DHRS9: variants seen among roughly 807,000 people sequenced by gnomAD.
DHRS9 encodes the protein dehydrogenase/reductase 9.
Under a neutral mutation model 26.6 loss-of-function variants are expected in DHRS9, and 18 were observed. The observed-to-expected ratio is 0.68, with a 90% CI of 0.47 to 1.00. DHRS9 has a LOEUF of 1.00. Ranked by LOEUF, DHRS9 falls within the 50% of genes least tolerant of loss-of-function variation. DHRS9 has a pLI of 0.00. For missense variants in DHRS9, 425 were observed against 378.7 expected (o/e 1.12, Z -1.01); for synonymous variants, 134 against 141.1 (o/e 0.95, Z 0.36).
intron 3 of DHRS9, among the ~76,000 whole-genome samples, chr2:169,084,942 T>C (rs1033398208): frequency 1.3e-5 from 2 of 152,198 alleles, no homozygotes; most frequent in African/African-American, 4.8e-5. Context: ...CAATGTTTTC[T>C]TGTAGTAGTT....
chr2:169,094,209 C>T (rs768409766), intron 4 of DHRS9, among the ~76,000 whole-genome samples: 2 of 152,014 alleles, frequency 1.3e-5, no homozygotes, highest in African/African-American at 2.4e-5. Flanking sequence ...TTTTCATATA[C>T]CTGTTGGCCA....
At chr2:169,085,885 G>T (rs1684334233) in intron 3 of DHRS9, among the ~76,000 whole-genome samples, 1 of 152,072 alleles carries the variant, frequency 6.6e-6, no homozygotes, top group Non-Finnish European at 1.5e-5. Flanking sequence ...TGTTTTTGAG[G>T]AATCTCCAAA....
chr2:169,092,598 G>A (rs16856436), intron 4 of DHRS9, among the ~76,000 whole-genome samples: 2 of 152,188 alleles, frequency 1.3e-5, no homozygotes, highest in East Asian at 3.9e-4. Flanking sequence ...AAAAGAGCAT[G>A]GCTGGTTAAG....
At chr2:169,078,540 CAT>C (rs1369331373) in intron 1 of DHRS9, among the ~76,000 whole-genome samples, 2 of 152,156 alleles carry the variant, frequency 1.3e-5, no homozygotes, top group Admixed American at 1.3e-4. Flanking sequence ...AAGGTTTAAA[CAT>C]GTAATTTTGC....
At chr2:169,072,718 T>C (rs781170277) in intron 1 of DHRS9, 81 of 931,524 alleles carry the variant, frequency 8.7e-5, no homozygotes, top group Non-Finnish European at 1.0e-4. Context: ...TCTCCTTTCT[T>C]GGTTTCTTTT....
At position 169,082,446 on chromosome 2, in the gene DHRS9, G is replaced by T. The variant is rs1044650101; in HGVS notation, c.313+552G>T. ...GCTATGGTGACTGTATTCTGAACTA[G>T]AAGAATTTTTATTGGCTTTGAATGA... is the stretch of plus-strand genomic sequence containing the variant. On this transcript the variant is annotated intron_variant, in intron 2 of 4. Transcript: ENST00000674881. 5.3e-5 allele frequency among the ~76,000 whole-genome samples: 8 copies of T among 152,230 alleles called. 1 individual carries two copies. Among genetic ancestry groups the T allele is most frequent in the African/African-American group, 1.9e-4 (8 of 41,546 alleles).
At chr2:169,072,688 G>A (rs1683843719) in intron 1 of DHRS9, 3 of 982,098 alleles carry the variant, frequency 3.1e-6, no homozygotes, top group South Asian at 4.7e-5. Context: ...TGTGCATGGT[G>A]TATGAAAGAC....
At chr2:169,084,327 T>C (rs1684285119) in intron 3 of DHRS9, among the ~76,000 whole-genome samples, 1 of 152,070 alleles carries the variant, frequency 6.6e-6, no homozygotes, top group African/African-American at 2.4e-5. Flanking sequence ...CTTTGATATG[T>C]TTATTTCCTT....
intron 1 of DHRS9, among the ~76,000 whole-genome samples, chr2:169,077,751 T>A (rs1438864497): frequency 6.6e-6 from 1 of 152,114 alleles, no homozygotes; most frequent in Non-Finnish European, 1.5e-5. Flanking sequence ...CTGAATTCAA[T>A]CCCTTAGGGG....
intron 3 of DHRS9, among the ~76,000 whole-genome samples, chr2:169,086,236 T>C (rs771444727): frequency 1.7e-4 from 26 of 152,184 alleles, no homozygotes; most frequent in Non-Finnish European, 3.1e-4. Flanking sequence ...CTTACTAATT[T>C]TTTTATTTTG....
chr2:169,070,880 C>A (rs182596977), intron 1 of DHRS9: 113 of 356,656 alleles, frequency 3.2e-4, no homozygotes, highest in African/African-American at 1.5e-3. Flanking sequence ...CTGGCTAACA[C>A]GGTGAAACCT....
chr2:169,091,790 A>G lies in DHRS9; in HGVS notation c.573A>G (p.Arg191=). 1 of 1,606,228 alleles carries G rather than the reference A, an allele frequency of 6.2e-7. No homozygotes were observed. The highest frequency in any genetic ancestry group is 8.5e-7 in the Non-Finnish European group (1 of 1,175,088). The change falls in exon 4 of 5, where the codon AGA becomes AGG. Residue 191 remains arginine (R), a splice_region_variant and synonymous_variant. Coordinates refer to ENST00000674881, the MANE Select transcript of DHRS9 (RefSeq NM_001376924.1). ...CATCTTCAATGGGTTCTTTTCACAGACGGGACATGAAAGCTTTTGGTGTGC... is the reference window on the plus strand; with the variant it reads ...CATCTTCAATGGGTTCTTTTCACAGGCGGGACATGAAAGCTTTTGGTGTGC... ...YAVEGFNDSL[R]RDMKAFGVHV...
chr2:169,079,515 T>G (rs767236318), intron 1 of DHRS9, among the ~76,000 whole-genome samples: 2 of 152,106 alleles, frequency 1.3e-5, no homozygotes, highest in Non-Finnish European at 2.9e-5. Context: ...AAATAAATGA[T>G]TTTTGAAAAG....
chr2:169,095,493 C>A, intron 4 of DHRS9, 51 bp from the exon 5 acceptor site: 1 of 1,488,346 alleles, frequency 6.7e-7, no homozygotes, highest in Non-Finnish European at 9.4e-7. Context: ...TAGACTTCCA[C>A]TCTGCTTTCC....
At chr2:169,067,223 T>C (rs1558947221), upstream of DHRS9, 1 of 1,535,462 alleles carries the variant, frequency 6.5e-7, no homozygotes, top group Non-Finnish European at 8.7e-7. Flanking sequence ...AGAGTGACAC[T>C]GGATATACTC....
chr2:169,091,744 TC>T (rs1684533562), intron 3 of DHRS9, 45 bp from the exon 4 acceptor site: 1 of 1,550,772 alleles, frequency 6.4e-7, no homozygotes, highest in African/African-American at 1.4e-5. Flanking sequence ...GCAAATATTT[TC>T]TAAACAAACC....
chr2:169,090,654 T>C (rs924606325), intron 3 of DHRS9, among the ~76,000 whole-genome samples: 1 of 152,214 alleles, frequency 6.6e-6, no homozygotes. Flanking sequence ...AAATACTTCC[T>C]TATATTATAT....
chr2:169,083,196 G>A (rs1294950969), intron 2 of DHRS9, 133 bp from the exon 3 acceptor site: 14 of 1,168,690 alleles, frequency 1.2e-5, no homozygotes, highest in East Asian at 2.4e-5. Flanking sequence ...CCAAAACTGC[G>A]AAGTATTTCA....
rs1457278309 is a variant in DHRS9 at position 169,081,576 on chromosome 2, G to A, written c.-6G>A. The A allele has an allele frequency of 4.3e-6, 7 of 1,612,704 alleles. No homozygotes were observed. The highest frequency in any genetic ancestry group is 4.2e-6 in the Non-Finnish European group (5 of 1,179,452). Reference sequence around the variant, plus strand: ...AGGAGTGTACCTATCACACACAGGGGGAAAAATGCTCTTTTGGGTGCTAGG... The same window carrying A: ...AGGAGTGTACCTATCACACACAGGGAGAAAAATGCTCTTTTGGGTGCTAGG... On this transcript the variant is annotated 5_prime_UTR_variant, in exon 2 of 5. Coordinates refer to ENST00000674881, the MANE Select transcript of DHRS9 (RefSeq NM_001376924.1).
Sources: gnomAD v4.1 joint callset for allele counts (sites outside exome capture counted in the v4.1 genomes callset) on GRCh38, gnomAD v4.1.1 for gene constraint, MANE v1.5 for transcripts, NCBI Gene and HGNC (gene_info 2026-07-23, HGNC 2026-07-21) for gene names.